The following CLDN10 variants were observed in gnomAD, a reference collection of about 807,000 sequenced individuals.
CLDN10 encodes the protein claudin 10, also known as claudin-10.
CLDN10 carries 15 observed loss-of-function variants against 22.9 expected under a neutral mutation model. The observed-to-expected ratio is 0.65, with a 90% CI of 0.44 to 1.01. The LOEUF (loss-of-function observed/expected upper bound fraction) is 1.01, where lower values mean the gene tolerates loss of function less well. Ranked by LOEUF, CLDN10 falls within the 50% of genes least tolerant of loss-of-function variation. The probability of loss-of-function intolerance (pLI) is 0.00; values close to 1 mark genes in which losing one functional copy is unlikely to be tolerated. For synonymous variants in CLDN10, 114 were observed against 111.4 expected, an observed-to-expected ratio of 1.02 and a Z score of -0.15; for missense variants, 247 against 287.8, an observed-to-expected ratio of 0.86 and a Z score of 1.03.
intron 1 of CLDN10, among the ~76,000 whole-genome samples, chr13:95,495,203 T>G (rs1436572218): frequency 1.3e-5 from 2 of 151,614 alleles, no homozygotes; most frequent in Non-Finnish European, 2.9e-5. Context: ...CTCTGGCTAA[T>G]TTTTGTATTT....
chr13:95,540,159 G>A (rs2043444203), intron 1 of CLDN10, among the ~76,000 whole-genome samples: 1 of 152,086 alleles, frequency 6.6e-6, no homozygotes, highest in South Asian at 2.1e-4. Flanking sequence ...AATTAGCCGG[G>A]CATGGTGGTG....
intron 1 of CLDN10, among the ~76,000 whole-genome samples, chr13:95,471,020 G>A (rs1417834792): frequency 6.6e-6 from 1 of 152,142 alleles, no homozygotes; most frequent in Admixed American, 6.6e-5. Context: ...GAAAGGAGAC[G>A]AGAAAGGAGA....
At chr13:95,478,132 C>G in intron 1 of CLDN10, among the ~76,000 whole-genome samples, 1 of 148,496 alleles carries the variant, frequency 6.7e-6, no homozygotes, top group Admixed American at 6.7e-5. Context: ...TGGCAAAACA[C>G]CATATCAACT....
upstream of CLDN10, among the ~76,000 whole-genome samples, chr13:95,550,513 G>A (rs1264316273): frequency 2.0e-5 from 3 of 152,122 alleles, no homozygotes; most frequent in Admixed American, 1.3e-4. Context: ...AGGGACTATC[G>A]AACAAGGCCA....
chr13:95,463,821 GTCCAAAC>G (rs2042559975), intron 1 of CLDN10, among the ~76,000 whole-genome samples: 1 of 151,970 alleles, frequency 6.6e-6, no homozygotes, highest in Non-Finnish European at 1.5e-5. Flanking sequence ...AAAAAGAGTT[GTCCAAAC>G]CCTCTTTTTT....
chr13:95,478,172 G>A (rs188473630), intron 1 of CLDN10, among the ~76,000 whole-genome samples: 42 of 152,152 alleles, frequency 2.8e-4, no homozygotes, highest in Non-Finnish European at 5.1e-4. Context: ...GCTGGACATG[G>A]TGGTGCATGC....
At chr13:95,552,547 C>A (rs2043577892), upstream of CLDN10, 1 of 228,572 alleles carries the variant, frequency 4.4e-6, no homozygotes, top group Non-Finnish European at 7.3e-6. Context: ...ACCCGGGGGG[C>A]GACCGCGAGC....
chr13:95,442,286 G>A (rs901536620), intron 1 of CLDN10, among the ~76,000 whole-genome samples: 3 of 152,194 alleles, frequency 2.0e-5, no homozygotes, highest in East Asian at 1.9e-4. Flanking sequence ...TCTGCTGTAG[G>A]AAGGTGGCTA....
intron 1 of CLDN10, among the ~76,000 whole-genome samples, chr13:95,526,787 C>CAAATAAATAAAT (rs71113945): frequency 0.01 from 1,535 of 149,792 alleles, 9 homozygotes; most frequent in Admixed American, 0.013. Context: ...AATTCCATCT[C>CAAATAAATAAAT]AAATAAATAA....
At chr13:95,552,454 C>T (rs1395492205), upstream of CLDN10, among the ~76,000 whole-genome samples, 1 of 152,250 alleles carries the variant, frequency 6.6e-6, no homozygotes, top group Non-Finnish European at 1.5e-5. Context: ...AACAAGCGAG[C>T]CCTTCTCCGC....
At chr13:95,515,357 C>A (rs1402053884) in intron 1 of CLDN10, among the ~76,000 whole-genome samples, 1 of 152,158 alleles carries the variant, frequency 6.6e-6, no homozygotes, top group Non-Finnish European at 1.5e-5. Flanking sequence ...CACCACCATG[C>A]CCGGCTAATT....
intron 3 of CLDN10, among the ~76,000 whole-genome samples, chr13:95,562,911 G>T (rs2043733593): frequency 6.6e-6 from 1 of 152,068 alleles, no homozygotes; most frequent in East Asian, 1.9e-4. Context: ...CCTTACTATA[G>T]CTCAGTCACC....
intron 1 of CLDN10, among the ~76,000 whole-genome samples, chr13:95,445,031 C>T (rs1169621611): frequency 1.3e-5 from 2 of 152,216 alleles, no homozygotes; most frequent in African/African-American, 2.4e-5. Context: ...CTGCCTCAGC[C>T]TCCCAAAGTG....
chr13:95,509,060 A>G (rs2043069136), intron 1 of CLDN10, among the ~76,000 whole-genome samples: 1 of 152,196 alleles, frequency 6.6e-6, no homozygotes, highest in Non-Finnish European at 1.5e-5. Context: ...TGCCTAGATG[A>G]TTAGGCAGTT....
intron 3 of CLDN10, among the ~76,000 whole-genome samples, chr13:95,573,248 C>T (rs1329957079): frequency 6.6e-6 from 1 of 152,212 alleles, no homozygotes; most frequent in Admixed American, 6.5e-5. Flanking sequence ...TGAAGTTATA[C>T]GCGCAGCTTT....
At chr13:95,522,080 A>G (rs1043060374) in intron 1 of CLDN10, among the ~76,000 whole-genome samples, 3 of 151,860 alleles carry the variant, frequency 2.0e-5, no homozygotes, top group African/African-American at 2.4e-5. Flanking sequence ...CAGTCTCACC[A>G]GAAGTTTGTC....
intron 1 of CLDN10, among the ~76,000 whole-genome samples, chr13:95,546,047 AC>A (rs1159224902): frequency 6.6e-6 from 1 of 152,258 alleles, no homozygotes; most frequent in Admixed American, 6.5e-5. Context: ...ATATTATTGA[AC>A]TTCAATTCAC....
intron 1 of CLDN10, among the ~76,000 whole-genome samples, chr13:95,535,279 C>T (rs2043388472): frequency 6.6e-6 from 1 of 151,920 alleles, no homozygotes; most frequent in Non-Finnish European, 1.5e-5. Context: ...GGAAAATCAG[C>T]TGGGGAGTCA....
At chr13:95,453,602 T>G (rs2042453634) in intron 1 of CLDN10, among the ~76,000 whole-genome samples, 1 of 151,832 alleles carries the variant, frequency 6.6e-6, no homozygotes, top group South Asian at 2.1e-4. Flanking sequence ...GAGACTCACT[T>G]GAACCCAGGA....
Sources: gnomAD v4.1 joint callset for allele counts (sites outside exome capture counted in the v4.1 genomes callset) on GRCh38, gnomAD v4.1.1 for gene constraint, MANE v1.5 for transcripts, NCBI Gene and HGNC (gene_info 2026-07-23, HGNC 2026-07-21) for gene names.